Variants in SHB observed in about 807,000 individuals in gnomAD.
The protein encoded by SHB is SH2 domain containing adaptor protein B, also known as SH2 domain-containing adapter protein B.
In SHB, 20 loss-of-function variants were observed where a neutral mutation model predicts 52.3. That is an observed-to-expected ratio of 0.38 (90% CI 0.27 to 0.56). The LOEUF is 0.56. SHB is among the 20% of genes least tolerant of loss of function. SHB has a pLI of 0.71. For synonymous variants in SHB, 397 were observed against 316.5 expected (o/e 1.25, Z -2.70); for missense variants, 825 against 723.3 (o/e 1.14, Z -1.61).
rs538267669 is a variant in SHB at position 37,942,159 on chromosome 9, C to T, written c.1346+6476G>A. On this transcript the variant is annotated intron_variant, in intron 5 of 5. Coordinates refer to ENST00000377707, the MANE Select transcript of SHB (RefSeq NM_003028.3). ...GCTCTTCTTGGCCCTGTTACACCCACCCAACCTCCTTCGGAGCTACAGGAG... is the reference window on the plus strand; with the variant it reads ...GCTCTTCTTGGCCCTGTTACACCCATCCAACCTCCTTCGGAGCTACAGGAG... 5.3e-5 allele frequency among the ~76,000 whole-genome samples: 8 copies of T among 152,354 alleles called. No individual in the cohort carries two copies. The South Asian group carries it at 1.5e-3, about 28-fold the overall frequency.
chr9:38,068,103 G>C lies in SHB; in HGVS notation c.543C>G (p.Pro181=), dbSNP rs1299645939. The change falls in exon 1 of 6, where the codon CCC becomes CCG. Residue 181 remains proline, a synonymous_variant. Coordinates refer to ENST00000377707, the MANE Select transcript of SHB (RefSeq NM_003028.3). ...ATPAEVRYIS[P]KHRLIKVESA... is the part of the protein sequence containing the mutation. ...TCTCCACTTTGATGAGGCGGTGCTT[G>C]GGGGAGATGTAGCGCACCTCGGCCG... 3.4e-6 allele frequency: 5 copies of C among 1,486,572 alleles called. No homozygotes were observed. Among genetic ancestry groups the C allele is most frequent in the Admixed American group, 2.5e-5 (1 of 39,502 alleles). 92.1% of individuals were successfully genotyped at this position (1,486,572 alleles called of 1,614,324 possible). A position where few individuals can be genotyped will look rare whatever the true frequency, so the allele number is the denominator to read the frequency against.
chr9:37,938,010 G>A (rs922144160), intron 5 of SHB, among the ~76,000 whole-genome samples: 5 of 152,194 alleles, frequency 3.3e-5, no homozygotes, highest in Non-Finnish European at 7.3e-5. Context: ...TTTACCACGT[G>A]AAGTTAGCTG....
chr9:38,051,495 C>T (rs1182073707), intron 1 of SHB, among the ~76,000 whole-genome samples: 1 of 150,156 alleles, frequency 6.7e-6, no homozygotes, highest in African/African-American at 2.4e-5. Flanking sequence ...GGCAAGTAGG[C>T]GAGACCTCAA....
In SHB at chr9:37,998,248, C is replaced by T. The variant is rs940583155; in HGVS notation, c.838+17763G>A. ...GGGAGGGAAGCACTAGGGCCAGGGC[C>T]CCAACACAGTACTGAGCTGGACCGC... On this transcript the variant is annotated intron_variant, in intron 2 of 5. Coordinates refer to ENST00000377707, the MANE Select transcript of SHB (RefSeq NM_003028.3). Among the ~76,000 whole-genome samples, 4 of 144,474 alleles carry T rather than the reference C, an allele frequency of 2.8e-5. No homozygotes were observed. The Admixed American group carries it at 2.8e-4, about 10-fold the overall frequency. The allele number at this position is 144,474 out of a possible 152,430, so 94.8% of individuals were successfully genotyped here.
At chr9:37,952,278 TGAG>T (rs1415269808) in intron 4 of SHB, among the ~76,000 whole-genome samples, 1 of 152,108 alleles carries the variant, frequency 6.6e-6, no homozygotes, top group Non-Finnish European at 1.5e-5. Flanking sequence ...GGGAGGCCCC[TGAG>T]GAGATGACAT....
intron 1 of SHB, among the ~76,000 whole-genome samples, chr9:38,049,455 G>C (rs899760361): frequency 1.3e-5 from 2 of 151,830 alleles, no homozygotes; most frequent in East Asian, 2.0e-4. Context: ...CTAAAAGAAT[G>C]CAAAAATTGG....
At chr9:38,010,503 C>T (rs1050269553) in intron 2 of SHB, among the ~76,000 whole-genome samples, 1 of 152,210 alleles carries the variant, frequency 6.6e-6, no homozygotes, top group East Asian at 1.9e-4. Context: ...CCAGCCACTC[C>T]TCTCTAGCAA....
chr9:38,051,248 T>C (rs573535935), intron 1 of SHB, among the ~76,000 whole-genome samples: 1 of 152,132 alleles, frequency 6.6e-6, no homozygotes, highest in South Asian at 2.1e-4. Flanking sequence ...GCGACCATCC[T>C]GGCCAACATG....
intron 3 of SHB, among the ~76,000 whole-genome samples, chr9:37,966,396 TCTC>T (rs1255861362): frequency 6.6e-6 from 1 of 152,168 alleles, no homozygotes; most frequent in East Asian, 1.9e-4. Flanking sequence ...GTTTTTTTCC[TCTC>T]CTTTTTTTAA....
chr9:37,966,665 G>C, intron 3 of SHB, among the ~76,000 whole-genome samples: 1 of 152,316 alleles, frequency 6.6e-6, no homozygotes, highest in East Asian at 1.9e-4. Flanking sequence ...GCTATACAGG[G>C]GACAGGAAGC....
chr9:37,980,746 TGA>T (rs1193741452), intron 2 of SHB, among the ~76,000 whole-genome samples: 4 of 152,238 alleles, frequency 2.6e-5, no homozygotes, highest in African/African-American at 9.6e-5. Context: ...ACTTCAAAGT[TGA>T]GATTACTCCT....
At chr9:37,995,264 G>A (rs950067517) in intron 2 of SHB, among the ~76,000 whole-genome samples, 2 of 152,178 alleles carry the variant, frequency 1.3e-5, no homozygotes, top group Admixed American at 6.5e-5. Flanking sequence ...TGAGGCTCCA[G>A]CTCATCCCAC....
chr9:38,038,840 C>T (rs1314083414), intron 1 of SHB, among the ~76,000 whole-genome samples: 1 of 152,094 alleles, frequency 6.6e-6, no homozygotes, highest in Non-Finnish European at 1.5e-5. Flanking sequence ...GGGGCCACCC[C>T]CCAGGGAGGT....
intron 5 of SHB, 60 bp from the exon 6 acceptor site, chr9:37,920,064 G>A (rs886486957): frequency 8.2e-6 from 11 of 1,347,914 alleles, no homozygotes; most frequent in Admixed American, 1.7e-5. Flanking sequence ...TGAGGCCAAG[G>A]GTCTCCTCAG....
intron 1 of SHB, among the ~76,000 whole-genome samples, chr9:38,037,478 A>C (rs535713769): frequency 1.3e-5 from 2 of 152,226 alleles, no homozygotes; most frequent in African/African-American, 4.8e-5. Context: ...TCTAACCTCC[A>C]ATGCTCGGCA....
chr9:37,972,403 A>G (rs7036836), intron 3 of SHB, among the ~76,000 whole-genome samples: 77,238 of 151,672 alleles, frequency 0.51, 19,699 homozygotes, highest in East Asian at 0.75. Flanking sequence ...CTAAGGACCT[A>G]CAGCCACAGG....
chr9:38,059,951 C>T (rs1371650716), intron 1 of SHB, among the ~76,000 whole-genome samples: 2 of 152,188 alleles, frequency 1.3e-5, no homozygotes, highest in Non-Finnish European at 2.9e-5. Context: ...GCCCTTTAAG[C>T]TGTGGAATAC....
intron 3 of SHB, among the ~76,000 whole-genome samples, chr9:37,965,319 T>C (rs916659553): frequency 2.0e-5 from 3 of 152,162 alleles, no homozygotes; most frequent in African/African-American, 7.2e-5. Context: ...GGATTCATAG[T>C]CAATCCTCAG....
intron 2 of SHB, among the ~76,000 whole-genome samples, chr9:38,000,896 C>T (rs1030358701): frequency 2.0e-5 from 3 of 152,146 alleles, no homozygotes; most frequent in Admixed American, 1.3e-4. Flanking sequence ...TATGTGACTT[C>T]GGGAAAGTCC....
Sources: gnomAD v4.1 joint callset for allele counts (sites outside exome capture counted in the v4.1 genomes callset) on GRCh38, gnomAD v4.1.1 for gene constraint, MANE v1.5 for transcripts, NCBI Gene and HGNC (gene_info 2026-07-23, HGNC 2026-07-21) for gene names.